The following DLGAP4 variants were observed in gnomAD, a reference collection of about 807,000 sequenced individuals.
DLGAP4 encodes DLG associated protein 4.
A neutral mutation model predicts 86.9 loss-of-function variants in DLGAP4; 18 were observed. The observed-to-expected ratio is 0.21, with a 90% confidence interval of 0.14 to 0.31. The LOEUF (loss-of-function observed/expected upper bound fraction) is 0.31. Among genes scored for constraint, DLGAP4 ranks in the 10% least tolerant of loss-of-function variants. DLGAP4 has a pLI of 1.00. For missense variants in DLGAP4, 1,085 were observed against 1,362.6 expected (o/e 0.80, Z 3.21); for synonymous variants, 548 against 574.3 (o/e 0.95, Z 0.65).
At chr20:36,336,805 T>A (rs1207166885) in intron 1 of DLGAP4, among the ~76,000 whole-genome samples, 1 of 152,020 alleles carries the variant, frequency 6.6e-6, no homozygotes, top group Non-Finnish European at 1.5e-5. Flanking sequence ...CCAACCAGAG[T>A]GGGCGTCAGT....
At chr20:36,406,025 G>C (rs889539377) in intron 2 of DLGAP4, among the ~76,000 whole-genome samples, 2 of 152,120 alleles carry the variant, frequency 1.3e-5, no homozygotes, top group Non-Finnish European at 2.9e-5. Flanking sequence ...TGGAAGCTAG[G>C]GCCATAAGGA....
At chr20:36,513,524 C>T (rs1442812323) in intron 10 of DLGAP4, among the ~76,000 whole-genome samples, 1 of 138,842 alleles carries the variant, frequency 7.2e-6, no homozygotes, top group Non-Finnish European at 1.5e-5. Context: ...GTCCGCAATC[C>T]GGCCTGGGCG....
At chr20:36,513,465 G>A (rs1055917713) in intron 10 of DLGAP4, among the ~76,000 whole-genome samples, 35 of 149,014 alleles carry the variant, frequency 2.3e-4, no homozygotes, top group African/African-American at 7.7e-4. Context: ...GGAGAATGGC[G>A]TGAACCCGGG....
chr20:36,444,677 A>G lies in DLGAP4; in HGVS notation c.1407+1900A>G, dbSNP rs377206060. On this transcript the variant is annotated intron_variant, in intron 6 of 12. Transcript: ENST00000339266. ...TTTTTTTGAGATGGAGTCTCGTTTT[A>G]TCACCCAGGTTGGAGTGCAGTTGCC... 5.3e-5 allele frequency among the ~76,000 whole-genome samples: 8 copies of G among 152,032 alleles called. No individual in the cohort carries two copies. In the East Asian group the frequency reaches 9.7e-4, roughly 18 times the overall value.
chr20:36,486,996 T>C (rs1468190851), intron 7 of DLGAP4, among the ~76,000 whole-genome samples: 6 of 151,244 alleles, frequency 4.0e-5, no homozygotes, highest in Non-Finnish European at 8.8e-5. Flanking sequence ...GTTCCAAGAG[T>C]GATTGTGGGT....
At chr20:36,397,749 C>T (rs190086326) in intron 2 of DLGAP4, among the ~76,000 whole-genome samples, 1 of 152,288 alleles carries the variant, frequency 6.6e-6, no homozygotes, top group East Asian at 1.9e-4. Context: ...AAATTTCAAA[C>T]GTATGGGTAA....
chr20:36,427,006 C>T (rs2032990966), intron 2 of DLGAP4, among the ~76,000 whole-genome samples: 1 of 150,350 alleles, frequency 6.7e-6, no homozygotes, highest in South Asian at 2.1e-4. Context: ...AATGAGACTC[C>T]TGTCTGTACC....
intron 7 of DLGAP4, among the ~76,000 whole-genome samples, chr20:36,463,075 CCA>C (rs145321751): frequency 3.5e-4 from 53 of 152,230 alleles, no homozygotes; most frequent in Non-Finnish European, 6.5e-4. Context: ...TTGCAGAACA[CCA>C]GAGTGGGCAA....
chr20:36,319,093 A>G (rs1336166456), intron 1 of DLGAP4, among the ~76,000 whole-genome samples: 1 of 151,322 alleles, frequency 6.6e-6, no homozygotes, highest in Non-Finnish European at 1.5e-5. Context: ...CAGCAAGTTG[A>G]GATTGTGCCA....
intron 1 of DLGAP4, among the ~76,000 whole-genome samples, chr20:36,362,805 G>A (rs2030563862): frequency 6.6e-6 from 1 of 152,188 alleles, no homozygotes; most frequent in African/African-American, 2.4e-5. Context: ...AAGCAGGCAG[G>A]GACAGGCTCA....
intron 1 of DLGAP4, among the ~76,000 whole-genome samples, chr20:36,337,160 A>G (rs1416700766): frequency 2.0e-5 from 3 of 152,196 alleles, no homozygotes; most frequent in African/African-American, 7.2e-5. Context: ...TGACTTGCCC[A>G]AGGGACAAGG....
chr20:36,339,567 G>A (rs2065356522), intron 1 of DLGAP4, among the ~76,000 whole-genome samples: 1 of 152,214 alleles, frequency 6.6e-6, no homozygotes, highest in Admixed American at 6.5e-5. Flanking sequence ...AAAAAATTTT[G>A]TAGAGACTGA....
rs1444728596 is a variant in DLGAP4 at position 36,437,624 on chromosome 20, TG to T, written c.1241+1275del. On this transcript the variant is annotated intron_variant, in intron 4 of 12. Coordinates refer to ENST00000339266, the MANE Select transcript of DLGAP4 (RefSeq NM_001365621.2). ...CACCAGCCAAGCCCCATCGTGTTGC[TG>T]TAAGGCTTGGAGGAGTTAGAGGGAA... 3.9e-4 allele frequency among the ~76,000 whole-genome samples: 60 copies of T among 152,318 alleles called. No individual in the cohort carries two copies. The East Asian group carries it at 0.011, about 29-fold the overall frequency.
intron 10 of DLGAP4, among the ~76,000 whole-genome samples, chr20:36,502,328 A>G (rs1404383353): frequency 1.3e-5 from 2 of 152,214 alleles, no homozygotes; most frequent in African/African-American, 4.8e-5. Context: ...ACATTTAAAA[A>G]ATACACTCCA....
chr20:36,476,959 C>G (rs1046044471), intron 7 of DLGAP4, among the ~76,000 whole-genome samples: 1 of 151,138 alleles, frequency 6.6e-6, no homozygotes, highest in Non-Finnish European at 1.5e-5. Context: ...TCCCAAAGTG[C>G]TGGGATTACA....
chr20:36,513,526 G>T (rs2036849983), intron 10 of DLGAP4, among the ~76,000 whole-genome samples: 1 of 139,398 alleles, frequency 7.2e-6, no homozygotes, highest in Non-Finnish European at 1.5e-5. Context: ...CCGCAATCCG[G>T]CCTGGGCGAC....
At chr20:36,412,979 C>CT (rs71184093) in intron 2 of DLGAP4, among the ~76,000 whole-genome samples, 55 of 110,830 alleles carry the variant, frequency 5.0e-4, no homozygotes, top group South Asian at 2.8e-3. Context: ...GAACTCTTTT[C>CT]TTTTTTTTTT....
chr20:36,449,802 G>A (rs2033688877), intron 7 of DLGAP4, among the ~76,000 whole-genome samples: 1 of 152,222 alleles, frequency 6.6e-6, no homozygotes, highest in African/African-American at 2.4e-5. Flanking sequence ...CTGGGTCCCT[G>A]TATTGGTCAG....
intron 7 of DLGAP4, chr20:36,462,726 A>C: frequency 7.8e-7 from 1 of 1,283,334 alleles, no homozygotes; most frequent in East Asian, 2.8e-5. Flanking sequence ...CCTCCCACAA[A>C]GGGGGAAAGG....
Sources: allele counts gnomAD v4.1 joint callset (sites outside exome capture counted in the v4.1 genomes callset), GRCh38; gene constraint gnomAD v4.1.1; transcripts MANE v1.5; gene names NCBI Gene and HGNC (gene_info 2026-07-23, HGNC 2026-07-21).